The following OR3A2 variants were observed in gnomAD, a reference collection of about 807,000 sequenced individuals.
OR3A2 encodes the protein olfactory receptor 3A2.
For synonymous variants in OR3A2, 126 were observed against 159.3 expected (o/e 0.79, Z 1.57); for missense variants, 318 against 392.8 (o/e 0.81, Z 1.61).
chr17:3,325,654 T>C (rs945926184), intron 3 of OR3A2, among the ~76,000 whole-genome samples: 6 of 152,094 alleles, frequency 3.9e-5, no homozygotes, highest in Non-Finnish European at 1.5e-5. Context: ...AACTGTAGCT[T>C]TATTTATTTT....
rs554199836 is a variant in OR3A2 at position 3,337,278 on chromosome 17, T to A, written c.-178-1152A>T. Reference sequence around the variant, plus strand: ...CCAGAACTTCTTCATGTGCACTTTTTAAAATTATTATTGTACTTTAAGTTC... The same window carrying A: ...CCAGAACTTCTTCATGTGCACTTTTAAAAATTATTATTGTACTTTAAGTTC... On this transcript the variant is annotated intron_variant, in intron 2 of 4. Coordinates refer to the OR3A2 transcript ENST00000573491. Among the ~76,000 whole-genome samples the A allele has an allele frequency of 2.7e-5, 4 of 148,056 alleles. No homozygotes were observed. In the East Asian group the frequency reaches 5.8e-4, roughly 21 times the overall value.
intron 2 of OR3A2, among the ~76,000 whole-genome samples, chr17:3,341,806 GGACT>G (rs1001917813): frequency 3.3e-5 from 5 of 152,094 alleles, no homozygotes. Context: ...TTTGAATTTT[GGACT>G]GCCTTGCTAG....
At chr17:3,283,255 T>C (rs9907194) in intron 1 of OR3A2, among the ~76,000 whole-genome samples, 27,533 of 152,168 alleles carry the variant, frequency 0.18, 3,115 homozygotes, top group African/African-American at 0.3. Context: ...GACAGAGTTT[T>C]GCTCTTTTTG....
chr17:3,291,682 GCA>G lies in OR3A2; in HGVS notation c.-84-12531_-84-12530del, dbSNP rs775827999. 6.2e-6 allele frequency: 10 copies of G among 1,610,074 alleles called. No individual in the cohort carries two copies. The African/African-American group carries it at 1.2e-4, about 19-fold the overall frequency. On this transcript the variant is annotated intron_variant, in intron 3 of 4. Transcript: ENST00000573491. ...GTGAGCATCCTCCAGATGGCACTCT[GCA>G]CATCAGGGTTTCTGAAGCTGTAGAT...
chr17:3,381,118 A>C (rs1314595641), intron 2 of OR3A2, among the ~76,000 whole-genome samples: 1 of 151,692 alleles, frequency 6.6e-6, no homozygotes, highest in Non-Finnish European at 1.5e-5. Flanking sequence ...ATGTGCCCAT[A>C]TATTCATATA....
chr17:3,338,892 T>C (rs1021012493), intron 2 of OR3A2, among the ~76,000 whole-genome samples: 6 of 152,202 alleles, frequency 3.9e-5, no homozygotes, highest in South Asian at 2.1e-4. Context: ...ATTCTTCCTA[T>C]CCATGAGCAT....
chr17:3,372,694 C>T (rs1201735341), intron 2 of OR3A2, among the ~76,000 whole-genome samples: 1 of 152,094 alleles, frequency 6.6e-6, no homozygotes, highest in South Asian at 2.1e-4. Flanking sequence ...CGTGGCGGCG[C>T]GCGCCTGCAA....
chr17:3,309,181 C>T (rs1234963293), intron 3 of OR3A2, among the ~76,000 whole-genome samples: 2 of 152,176 alleles, frequency 1.3e-5, no homozygotes, highest in African/African-American at 4.8e-5. Flanking sequence ...GCTAGGATTA[C>T]AGGTGTGAGT....
At chr17:3,385,457 A>AGATAGATAGATAGAGGAGTTTG (rs2049769583) in intron 1 of OR3A2, among the ~76,000 whole-genome samples, 2 of 152,192 alleles carry the variant, frequency 1.3e-5, no homozygotes, top group Non-Finnish European at 2.9e-5. Context: ...GAGGATAGAT[A>AGATAGATAGATAGAGGAGTTTG]GATAGATAGA....
chr17:3,358,593 G>C, intron 2 of OR3A2, among the ~76,000 whole-genome samples: 1 of 151,710 alleles, frequency 6.6e-6, no homozygotes, highest in East Asian at 1.9e-4. Context: ...GGTTTTGAGT[G>C]ATTTTAATAA....
At chr17:3,282,568 G>A (rs111919948) in intron 1 of OR3A2, among the ~76,000 whole-genome samples, 166 of 152,300 alleles carry the variant, frequency 1.1e-3, no homozygotes, top group African/African-American at 3.6e-3. Context: ...CTCAGGCCAC[G>A]GGGAAGCTGC....
At chr17:3,277,816 T>C in exon 2 of OR3A2, 5 of 784,654 alleles carry the variant, frequency 6.4e-6, no homozygotes, top group Non-Finnish European at 1.0e-5. Flanking sequence ...GAATAAATTA[T>C]GTAGGGTTTC....
chr17:3,276,145 T>C (rs1477124612), downstream of OR3A2, among the ~76,000 whole-genome samples: 2 of 150,730 alleles, frequency 1.3e-5, no homozygotes, highest in Non-Finnish European at 3.0e-5. Context: ...ATCACAACAT[T>C]GTTGTTGCAA....
rs2049775225 is a variant in OR3A2 at position 3,386,189 on chromosome 17, AC to A, written c.-340del. 2 of 397,984 alleles carry A rather than the reference AC, an allele frequency of 5.0e-6. No individual in the cohort carries two copies. The highest frequency in any genetic ancestry group is 2.1e-5 in the African/African-American group (1 of 48,350). 24.7% of individuals were successfully genotyped at this position (397,984 alleles called of 1,614,324 possible). On this transcript the variant is annotated 5_prime_UTR_variant, in exon 1 of 5. An upstream open reading frame in the 5' UTR gains an earlier in-frame stop. Coordinates refer to the OR3A2 transcript ENST00000573491. ...CCCAGGCTGCTGGCCGGCCTGCTCC[AC>A]CCGGGCCAGGCCATATCCTTCCAGG...
rs939439162 is a variant in OR3A2 at position 3,342,319 on chromosome 17, G to C, written c.-178-6193C>G. On this transcript the variant is annotated intron_variant, in intron 2 of 4. Transcript: ENST00000573491. Reference sequence around the variant, plus strand: ...AGCTTTGTTCTGTTGCTGGCGAGGAGCTGCAATCCTTTGGAGGAGAAGAGG... The same window carrying C: ...AGCTTTGTTCTGTTGCTGGCGAGGACCTGCAATCCTTTGGAGGAGAAGAGG... Among the ~76,000 whole-genome samples, 63 of 152,208 alleles carry C rather than the reference G, an allele frequency of 4.1e-4. 2 individuals carry two copies. Among genetic ancestry groups the C allele is most frequent in the Admixed American group, 4.1e-3 (62 of 15,278 alleles).
Position 3,292,841 on chromosome 17 carries a change from C to T in OR3A2, c.-84-13688G>A, listed in dbSNP as rs569337487. Among the ~76,000 whole-genome samples the T allele has an allele frequency of 2.6e-5, 4 of 152,200 alleles. No individual in the cohort carries two copies. The South Asian group carries it at 8.3e-4, about 32-fold the overall frequency. On this transcript the variant is annotated intron_variant, in intron 3 of 4. Coordinates refer to the OR3A2 transcript ENST00000573491. ...GACCTCCCTCCTCCAACCCGCCCCC[C>T]AGCTGCAAGAACCTATTTGTAAAGA...
At chr17:3,342,680 A>T (rs910528786) in intron 2 of OR3A2, among the ~76,000 whole-genome samples, 2 of 152,160 alleles carry the variant, frequency 1.3e-5, no homozygotes, top group African/African-American at 2.4e-5. Flanking sequence ...ACCTGGCTGT[A>T]TGAGGTGTCA....
intron 3 of OR3A2, among the ~76,000 whole-genome samples, chr17:3,330,779 T>C (rs1004096753): frequency 2.0e-5 from 3 of 152,086 alleles, no homozygotes; most frequent in African/African-American, 4.8e-5. Flanking sequence ...TGATTTTGCT[T>C]GTTAGTTGAT....
At chr17:3,308,570 C>T (rs556985619) in intron 3 of OR3A2, among the ~76,000 whole-genome samples, 3 of 152,212 alleles carry the variant, frequency 2.0e-5, no homozygotes, top group South Asian at 2.1e-4. Flanking sequence ...AGCTTTCAAG[C>T]GCTACTCACG....
Sources: allele counts gnomAD v4.1 joint callset (sites outside exome capture counted in the v4.1 genomes callset), GRCh38; gene constraint gnomAD v4.1.1; transcripts MANE v1.5; gene names NCBI Gene and HGNC (gene_info 2026-07-23, HGNC 2026-07-21).